UCHL3: variants seen among roughly 807,000 people sequenced by gnomAD.
UCHL3 encodes the protein ubiquitin carboxyl-terminal hydrolase isozyme L3.
Under a neutral mutation model 35.8 loss-of-function variants are expected in UCHL3, and 22 were observed. The observed-to-expected ratio is 0.61, with a 90% CI of 0.44 to 0.88. The LOEUF (loss-of-function observed/expected upper bound fraction) is 0.88, where lower values mean the gene tolerates loss of function less well. Ranked by LOEUF, UCHL3 falls within the 40% of genes least tolerant of loss-of-function variation. The pLI is 0.00. For synonymous variants in UCHL3, 90 were observed against 92.8 expected (o/e 0.97, Z 0.17); for missense variants, 229 against 276.9 (o/e 0.83, Z 1.23).
rs544778034 is a variant in UCHL3, at chr13:75,597,506, A to G, written c.550+2516A>G. ...TGAAAGTATTAGAAAATAAATACCA[A>G]TACAACAATAAAAAACAAATTTTGA... On this transcript the variant is annotated intron_variant, in intron 7 of 8. Coordinates refer to ENST00000377595, the MANE Select transcript of UCHL3 (RefSeq NM_006002.5). 6.6e-5 allele frequency among the ~76,000 whole-genome samples: 10 copies of G among 152,364 alleles called. No individual in the cohort carries two copies. The East Asian group carries it at 1.7e-3, about 26-fold the overall frequency.
intron 6 of UCHL3, among the ~76,000 whole-genome samples, chr13:75,571,819 A>C (rs535244132): frequency 6.6e-6 from 1 of 152,238 alleles, no homozygotes; most frequent in African/African-American, 2.4e-5. Context: ...CATCTCCCAC[A>C]GTTTAGAAAC....
intron 2 of UCHL3, among the ~76,000 whole-genome samples, chr13:75,550,212 C>G (rs1004775243): frequency 6.6e-6 from 1 of 152,238 alleles, no homozygotes; most frequent in Admixed American, 6.5e-5. Context: ...ATTCTGCAGT[C>G]ACCACGTATC....
chr13:75,564,595 A>G (rs1172955586), intron 3 of UCHL3, among the ~76,000 whole-genome samples: 3 of 152,170 alleles, frequency 2.0e-5, no homozygotes, highest in African/African-American at 4.8e-5. Context: ...GGCTGTACCA[A>G]TCTGCATTCC....
chr13:75,566,550 C>A, intron 3 of UCHL3, 145 bp from the exon 4 acceptor site: 1 of 560,566 alleles, frequency 1.8e-6, no homozygotes, highest in South Asian at 3.5e-5. Flanking sequence ...TTTTGTCAGT[C>A]TGGTAGGTGA....
chr13:75,597,501 T>C (rs1342874634), intron 7 of UCHL3, among the ~76,000 whole-genome samples: 1 of 152,092 alleles, frequency 6.6e-6, no homozygotes, highest in African/African-American at 2.4e-5. Context: ...AGAAAATAAA[T>C]ACCAATACAA....
intron 2 of UCHL3, among the ~76,000 whole-genome samples, chr13:75,558,327 C>T (rs940471476): frequency 6.6e-6 from 1 of 152,134 alleles, no homozygotes; most frequent in Non-Finnish European, 1.5e-5. Context: ...ACTTTTTGTA[C>T]TTGTTAGCTT....
intron 7 of UCHL3, among the ~76,000 whole-genome samples, chr13:75,596,462 C>G (rs567151730): frequency 5.7e-4 from 87 of 152,130 alleles, no homozygotes; most frequent in African/African-American, 1.4e-3. Flanking sequence ...AGCAGATTTT[C>G]TACTCTGAAT....
chr13:75,566,945 A>T, intron 4 of UCHL3, 94 bp downstream of exon 4: 1 of 1,366,420 alleles, frequency 7.3e-7, no homozygotes, highest in East Asian at 2.4e-5. Flanking sequence ...TCTTCAAACT[A>T]TAAAATAAAG....
At chr13:75,589,527 T>C (rs1195918520) in intron 6 of UCHL3, among the ~76,000 whole-genome samples, 3 of 152,174 alleles carry the variant, frequency 2.0e-5, no homozygotes, top group Non-Finnish European at 4.4e-5. Context: ...AGGAATTCTT[T>C]TTTACCAATG....
chr13:75,599,372 A>G (rs1308175486), intron 7 of UCHL3, among the ~76,000 whole-genome samples: 1 of 152,184 alleles, frequency 6.6e-6, no homozygotes, highest in African/African-American at 2.4e-5. Flanking sequence ...CCTCATTTTA[A>G]GGATAGTAAT....
chr13:75,561,801 ACGT>A (rs2031508901), intron 3 of UCHL3, among the ~76,000 whole-genome samples: 1 of 32,030 alleles, frequency 3.1e-5, no homozygotes, highest in Non-Finnish European at 1.4e-4. Context: ...ATATATGTAT[ACGT>A]ATACATACGT....
rs1027807280 is a variant in UCHL3, at chr13:75,590,252, C to T, written c.475-4663C>T. The T allele has an allele frequency of 4.2e-6, 5 of 1,188,902 alleles. No individual in the cohort carries two copies. In the Admixed American group the frequency reaches 1.5e-4, roughly 35 times the overall value. 73.6% of individuals were successfully genotyped at this position (1,188,902 alleles called of 1,614,324 possible). On this transcript the variant is annotated intron_variant, in intron 6 of 8. Coordinates refer to ENST00000377595, the MANE Select transcript of UCHL3 (RefSeq NM_006002.5). The stretch of plus-strand genomic sequence containing the variant: ...GTTCACTCAACCATTAGCTTTTTCT[C>T]CCCCAATAAGATTGCAAGCATATCT...
chr13:75,553,537 G>A (rs969864481), intron 2 of UCHL3, among the ~76,000 whole-genome samples: 5 of 152,192 alleles, frequency 3.3e-5, no homozygotes, highest in Non-Finnish European at 5.9e-5. Context: ...GCTTCGAAGA[G>A]TCTCTGTTGC....
At position 75,605,758 on chromosome 13, in the gene UCHL3, G is replaced by A; in HGVS notation, c.639G>A (p.Met213Ile). Reference sequence around the variant, plus strand: ...CCATAGAAGTTTGCAAGAAGTTTATGGAGCGCGACCCTGATGAACTAAGAT... The same window carrying A: ...CCATAGAAGTTTGCAAGAAGTTTATAGAGCGCGACCCTGATGAACTAAGAT... ...EDAIEVCKKF[M>I]ERDPDELRFN... is the part of the protein sequence containing the mutation. Residue 213 changes from methionine to isoleucine, a missense_variant, in exon 9 of 9, where the codon ATG (methionine) becomes ATA (isoleucine). Physicochemically the swap from Met to Ile is conservative, Grantham distance 10 (BLOSUM62 1). Transcript: ENST00000377595. The A allele has an allele frequency of 6.2e-7, 1 of 1,613,730 alleles. No homozygotes were observed. Among genetic ancestry groups the A allele is most frequent in the Non-Finnish European group, 8.5e-7 (1 of 1,179,916 alleles).
chr13:75,580,585 G>A (rs1009745422), intron 6 of UCHL3, among the ~76,000 whole-genome samples: 1 of 152,146 alleles, frequency 6.6e-6, no homozygotes, highest in Non-Finnish European at 1.5e-5. Context: ...TGTTCGAGGT[G>A]CTCACCAGCT....
chr13:75,571,026 T>G (rs2031839453), intron 6 of UCHL3, among the ~76,000 whole-genome samples: 2 of 152,206 alleles, frequency 1.3e-5, no homozygotes, highest in Admixed American at 1.3e-4. Context: ...CTAAAAGTTT[T>G]TAACACCAGA....
intron 2 of UCHL3, among the ~76,000 whole-genome samples, chr13:75,557,494 GT>G (rs1418400332): frequency 1.3e-5 from 2 of 152,190 alleles, no homozygotes; most frequent in East Asian, 3.9e-4. Flanking sequence ...TTAGTCAGAG[GT>G]TTTTTTGGTT....
At chr13:75,566,904 GC>G in intron 4 of UCHL3, 53 bp downstream of exon 4, 1 of 1,530,808 alleles carries the variant, frequency 6.5e-7, no homozygotes, top group South Asian at 1.3e-5. Context: ...CAAGTTAATT[GC>G]ATTGAGCAGT....
At chr13:75,599,332 G>A (rs190506656) in intron 7 of UCHL3, among the ~76,000 whole-genome samples, 1 of 152,010 alleles carries the variant, frequency 6.6e-6, no homozygotes, top group Admixed American at 6.6e-5. Context: ...TGAAAATATG[G>A]CATTCTGTTC....
Sources: allele counts gnomAD v4.1 joint callset (sites outside exome capture counted in the v4.1 genomes callset), GRCh38; gene constraint gnomAD v4.1.1; transcripts MANE v1.5; gene names NCBI Gene and HGNC (gene_info 2026-07-23, HGNC 2026-07-21).